Variants in RASSF9 observed in about 807,000 individuals in gnomAD.
RASSF9 encodes the protein Ras association domain family member 9, also known as ras association domain-containing protein 9.
Under a neutral mutation model 21.4 loss-of-function variants are expected in RASSF9, and 18 were observed. The observed-to-expected ratio is 0.84, with a 90% confidence interval of 0.58 to 1.25. The LOEUF is 1.25. RASSF9 is among the 50% of genes most tolerant of loss of function. The pLI is 0.00. For synonymous variants in RASSF9, 183 were observed against 179.1 expected, an observed-to-expected ratio of 1.02 and a Z score of -0.18; for missense variants, 480 against 503.2, an observed-to-expected ratio of 0.95 and a Z score of 0.44.
Position 85,804,678 on chromosome 12 carries a change from C to A in RASSF9, c.*24G>T. 1 of 1,517,628 alleles carries A rather than the reference C, an allele frequency of 6.6e-7. No individual in the cohort carries two copies. 94.0% of individuals were successfully genotyped at this position (1,517,628 alleles called of 1,614,324 possible). ...TTAAACAAACATTAAAACATGAAAGCAGGTCAGAAAGGAGCCATTGGAACT... is the reference window on the plus strand; with the variant it reads ...TTAAACAAACATTAAAACATGAAAGAAGGTCAGAAAGGAGCCATTGGAACT... On this transcript the variant is annotated 3_prime_UTR_variant, in exon 2 of 2. Coordinates refer to ENST00000361228, the MANE Select transcript of RASSF9 (RefSeq NM_005447.4).
chr12:85,825,856 A>T (rs1470803157), intron 1 of RASSF9, among the ~76,000 whole-genome samples: 1 of 152,018 alleles, frequency 6.6e-6, no homozygotes, highest in Non-Finnish European at 1.5e-5. Flanking sequence ...TTTGAAAGCA[A>T]TTTCAACCAA....
chr12:85,808,117 T>C (rs1356939977), intron 1 of RASSF9, among the ~76,000 whole-genome samples: 1 of 152,154 alleles, frequency 6.6e-6, no homozygotes, highest in Admixed American at 6.5e-5. Flanking sequence ...AGTGTTTATG[T>C]TTTGGCAGCA....
At chr12:85,827,535 G>A (rs1880359686) in intron 1 of RASSF9, among the ~76,000 whole-genome samples, 1 of 152,124 alleles carries the variant, frequency 6.6e-6, no homozygotes, top group South Asian at 2.1e-4. Context: ...GATTTCCCTT[G>A]CATTTAAAGT....
chr12:85,836,048 C>G, intron 1 of RASSF9, 107 bp downstream of exon 1: 1 of 1,531,912 alleles, frequency 6.5e-7, no homozygotes, highest in Non-Finnish European at 8.8e-7. Flanking sequence ...TTATCAGAAT[C>G]TAACAACCAC....
At chr12:85,833,395 A>G (rs889375008) in intron 1 of RASSF9, among the ~76,000 whole-genome samples, 3 of 151,936 alleles carry the variant, frequency 2.0e-5, no homozygotes, top group African/African-American at 7.2e-5. Flanking sequence ...CTAGACAGAT[A>G]TGACCCCACC....
At chr12:85,809,846 A>C (rs1879913435) in intron 1 of RASSF9, among the ~76,000 whole-genome samples, 1 of 151,950 alleles carries the variant, frequency 6.6e-6, no homozygotes, top group Non-Finnish European at 1.5e-5. Context: ...TGGAAAGAAC[A>C]CTAATGATCA....
In RASSF9 at chr12:85,805,261, T is replaced by C; in HGVS notation, c.749A>G (p.Gln250Arg). The change falls in exon 2 of 2, where the codon CAG becomes CGG. Residue 250 changes from glutamine to arginine, a missense_variant. Coordinates refer to ENST00000361228, the MANE Select transcript of RASSF9 (RefSeq NM_005447.4). ...FSEVEQNLDL[Q>R]YEENQTLEDL... ...CTCCAGAGTCTGGTTTTCCTCATAC[T>C]GCAAGTCTAGATTTTGCTCAACTTC... The C allele has an allele frequency of 6.2e-7, 1 of 1,613,664 alleles. No individual in the cohort carries two copies. Among genetic ancestry groups the C allele is most frequent in the Non-Finnish European group, 8.5e-7 (1 of 1,179,896 alleles).
chr12:85,809,663 GTAA>G (rs943202670), intron 1 of RASSF9, among the ~76,000 whole-genome samples: 2 of 131,934 alleles, frequency 1.5e-5, no homozygotes, highest in Non-Finnish European at 3.3e-5. Flanking sequence ...TAGTAGAATA[GTAA>G]TAATGATGAT....
At chr12:85,816,095 G>T (rs1001835638) in intron 1 of RASSF9, among the ~76,000 whole-genome samples, 1 of 152,008 alleles carries the variant, frequency 6.6e-6, no homozygotes, top group Non-Finnish European at 1.5e-5. Context: ...TTATAAGAGG[G>T]CGCTAAATGA....
intron 1 of RASSF9, among the ~76,000 whole-genome samples, chr12:85,808,940 A>G (rs1043095940): frequency 6.6e-6 from 1 of 152,172 alleles, no homozygotes; most frequent in African/African-American, 2.4e-5. Context: ...ATTCTAAAAG[A>G]AACCCTGTTC....
chr12:85,836,197 G>C lies in RASSF9; in HGVS notation c.5C>G (p.Ala2Gly). Reference sequence around the variant, plus strand: ...CTTTAGCAAGTTTCTTCCAAAGGGAGCCATGGTCTGTCGGGCAAACGAATA... The same window carrying C: ...CTTTAGCAAGTTTCTTCCAAAGGGACCCATGGTCTGTCGGGCAAACGAATA... M[A>G]PFGRNLLKTR... Residue 2 changes from alanine to glycine, a missense_variant, in exon 1 of 2, where the codon GCT (alanine) becomes GGT (glycine). Transcript: ENST00000361228. 1.3e-6 allele frequency: 2 copies of C among 1,549,114 alleles called. No individual in the cohort carries two copies. Among genetic ancestry groups the C allele is most frequent in the Non-Finnish European group, 1.7e-6 (2 of 1,146,326 alleles).
chr12:85,801,143 C>A lies in RASSF9; in HGVS notation c.*3559G>T, dbSNP rs1036083184. On this transcript the variant is annotated 3_prime_UTR_variant, in exon 2 of 2. Transcript: ENST00000361228. ...AAATATGTTTTTTCTCATAAGCACA[C>A]AATGAAATAAAAAATTCTATAATAT... The A allele has an allele frequency of 1.3e-5, 2 of 151,772 alleles. No homozygotes were observed. The highest frequency in any genetic ancestry group is 4.8e-5 in the African/African-American group (2 of 41,332). 9.4% of individuals were successfully genotyped at this position (151,772 alleles called of 1,614,324 possible). A position where few individuals can be genotyped will look rare whatever the true frequency, so the allele number is the denominator to read the frequency against.
intron 1 of RASSF9, among the ~76,000 whole-genome samples, chr12:85,810,601 T>C (rs1394626638): frequency 1.3e-5 from 2 of 151,986 alleles, no homozygotes; most frequent in Non-Finnish European, 2.9e-5. Flanking sequence ...CACAGCCCCA[T>C]GAAAATCCAG....
chr12:85,835,885 G>C (rs147733500), intron 1 of RASSF9, among the ~76,000 whole-genome samples: 4 of 152,202 alleles, frequency 2.6e-5, no homozygotes, highest in Non-Finnish European at 4.4e-5. Context: ...TGGTCAAAAG[G>C]GGAGAAAGGA....
In RASSF9 at chr12:85,801,855, G is replaced by A. The variant is rs1879713299; in HGVS notation, c.*2847C>T. On this transcript the variant is annotated 3_prime_UTR_variant, in exon 2 of 2. Coordinates refer to ENST00000361228, the MANE Select transcript of RASSF9 (RefSeq NM_005447.4). ...AGAATTCATTGAAGGAGGGGAATTA[G>A]GTAAGTGCATAAATATATATAGCGT... 6.6e-6 allele frequency: 1 copy of A among 152,112 alleles called. No individual in the cohort carries two copies. The highest frequency in any genetic ancestry group is 6.5e-5 in the Admixed American group (1 of 15,280). The allele number at this position is 152,112 out of a possible 1,614,324, so 9.4% of individuals were successfully genotyped here.
intron 1 of RASSF9, among the ~76,000 whole-genome samples, chr12:85,806,241 G>C (rs933989545): frequency 6.6e-6 from 1 of 150,894 alleles, no homozygotes; most frequent in Non-Finnish European, 1.5e-5. Flanking sequence ...TAGTACAGAC[G>C]GGGTTTCACC....
chr12:85,806,672 CAAAAAAAAAAAAAAA>C (rs71076150), intron 1 of RASSF9, among the ~76,000 whole-genome samples: 2 of 54,822 alleles, frequency 3.6e-5, no homozygotes, highest in Admixed American at 5.5e-4. Context: ...GACTCCATCT[CAAAAAAAAAAAAAAA>C]AAAAAAAAAA....
chr12:85,826,966 A>G (rs527247239), intron 1 of RASSF9, among the ~76,000 whole-genome samples: 13 of 152,190 alleles, frequency 8.5e-5, no homozygotes, highest in Non-Finnish European at 1.6e-4. Context: ...CTTTACCTAC[A>G]ATATTCTTTT....
At chr12:85,835,227 C>A (rs1268830348) in intron 1 of RASSF9, among the ~76,000 whole-genome samples, 1 of 151,958 alleles carries the variant, frequency 6.6e-6, no homozygotes, top group African/African-American at 2.4e-5. Context: ...ATGACAAGTA[C>A]AAACAGGCAT....
Sources: gnomAD v4.1 joint callset for allele counts (sites outside exome capture counted in the v4.1 genomes callset) on GRCh38, gnomAD v4.1.1 for gene constraint, MANE v1.5 for transcripts, NCBI Gene and HGNC (gene_info 2026-07-23, HGNC 2026-07-21) for gene names.